Variants in RABGAP1L observed in about 807,000 individuals in gnomAD.
The protein encoded by RABGAP1L is RAB GTPase activating protein 1 like.
Under a neutral mutation model 137.7 loss-of-function variants are expected in RABGAP1L, and 63 were observed. That is an observed-to-expected ratio of 0.46 (90% CI 0.37 to 0.56). RABGAP1L has a LOEUF of 0.56. Ranked by LOEUF, RABGAP1L falls within the 20% of genes least tolerant of loss-of-function variation. RABGAP1L has a pLI of 0.00. For missense variants in RABGAP1L, 1,095 were observed against 1,244.0 expected, an observed-to-expected ratio of 0.88 and a Z score of 1.80; for synonymous variants, 431 against 433.7, an observed-to-expected ratio of 0.99 and a Z score of 0.08.
chr1:174,301,543 T>G (rs1347313581), intron 10 of RABGAP1L, among the ~76,000 whole-genome samples: 1 of 151,482 alleles, frequency 6.6e-6, no homozygotes, highest in Non-Finnish European at 1.5e-5. Context: ...TTTCAGTGGG[T>G]CCTGAGTTCT....
chr1:174,304,492 A>G (rs1678014674), intron 10 of RABGAP1L, among the ~76,000 whole-genome samples: 1 of 152,024 alleles, frequency 6.6e-6, no homozygotes, highest in African/African-American at 2.4e-5. Context: ...ATATTTTTAT[A>G]CATATAGCAA....
At chr1:174,590,502 C>A (rs916350434) in intron 13 of RABGAP1L, among the ~76,000 whole-genome samples, 9 of 87,284 alleles carry the variant, frequency 1.0e-4, no homozygotes, top group African/African-American at 4.9e-4. Context: ...CCTCCCCCCT[C>A]CCCCGACCCC....
At chr1:174,474,596 AT>A (rs1658293328) in intron 13 of RABGAP1L, among the ~76,000 whole-genome samples, 1 of 150,908 alleles carries the variant, frequency 6.6e-6, no homozygotes, top group Non-Finnish European at 1.5e-5. Flanking sequence ...GATGATGATG[AT>A]TATTATTATT....
intron 13 of RABGAP1L, among the ~76,000 whole-genome samples, chr1:174,625,046 A>AT (rs531470681): frequency 1.3e-5 from 2 of 151,382 alleles, no homozygotes; most frequent in African/African-American, 2.4e-5. Context: ...TAATTTTTGT[A>AT]TTTTTTTAGT....
chr1:174,722,452 C>G (rs1405722949), intron 17 of RABGAP1L, among the ~76,000 whole-genome samples: 1 of 151,266 alleles, frequency 6.6e-6, no homozygotes, highest in Non-Finnish European at 1.5e-5. Flanking sequence ...TTATCGCAAG[C>G]TTCTTTTTTT....
Position 174,819,733 on chromosome 1 carries a change from C to T in RABGAP1L, c.2340+7773C>T, listed in dbSNP as rs189978753. The stretch of plus-strand genomic sequence containing the variant: ...TTGACTGTACTTCAGAGAATGATGA[C>T]AGTTGATATCCAGGGACCAAACCAC... On this transcript the variant is annotated intron_variant, in intron 19 of 25. Coordinates refer to ENST00000681986, the MANE Select transcript of RABGAP1L (RefSeq NM_001366446.1). Among the ~76,000 whole-genome samples the T allele has an allele frequency of 1.7e-3, 264 of 152,162 alleles. 2 individuals are homozygous for T. Among genetic ancestry groups the T allele is most frequent in the African/African-American group, 4.9e-3 (203 of 41,508 alleles).
At chr1:174,919,019 CTTT>C (rs778211199) in intron 19 of RABGAP1L, among the ~76,000 whole-genome samples, 7 of 134,728 alleles carry the variant, frequency 5.2e-5, no homozygotes, top group Admixed American at 7.4e-5. Context: ...TGTCTTTTTT[CTTT>C]TTTTTTTTTT....
At chr1:174,882,828 A>AGTTCT (rs1654457936) in intron 19 of RABGAP1L, among the ~76,000 whole-genome samples, 1 of 151,404 alleles carries the variant, frequency 6.6e-6, no homozygotes, top group Non-Finnish European at 1.5e-5. Context: ...AGAACATAAG[A>AGTTCT]GCTTTTTTTT....
rs184626717 is a variant in RABGAP1L, at chr1:174,962,032, A to G, written c.2433+4483A>G. ...ATAAAAATATAAAAAAAAATTAGCC[A>G]GGCGTGGTGGTGGGCACCTGTAGTC... On this transcript the variant is annotated intron_variant, in intron 20 of 25. Transcript: ENST00000681986. 1.1e-3 allele frequency among the ~76,000 whole-genome samples: 166 copies of G among 149,066 alleles called. 1 individual carries two copies. The highest frequency in any genetic ancestry group is 4.0e-3 in the African/African-American group (160 of 40,396).
chr1:174,421,658 G>A (rs988909955), intron 13 of RABGAP1L, among the ~76,000 whole-genome samples: 4 of 152,132 alleles, frequency 2.6e-5, no homozygotes, highest in African/African-American at 4.8e-5. Flanking sequence ...TGTTTTCACT[G>A]GACTACTGAG....
chr1:174,181,955 C>T (rs1180425417), intron 1 of RABGAP1L, among the ~76,000 whole-genome samples: 1 of 152,090 alleles, frequency 6.6e-6, no homozygotes, highest in Non-Finnish European at 1.5e-5. Flanking sequence ...TTTAAAATAG[C>T]ATAAATGAGG....
At chr1:174,411,986 T>C (rs1649991923) in intron 13 of RABGAP1L, among the ~76,000 whole-genome samples, 1 of 152,098 alleles carries the variant, frequency 6.6e-6, no homozygotes, top group African/African-American at 2.4e-5. Flanking sequence ...CGTAGATGTT[T>C]ATTAAGTCCA....
chr1:174,219,212 A>T lies in RABGAP1L; in HGVS notation c.55A>T (p.Thr19Ser), dbSNP rs940430402. 6.2e-7 allele frequency: 1 copy of T among 1,604,242 alleles called. No individual in the cohort carries two copies. Among genetic ancestry groups the T allele is most frequent in the Non-Finnish European group, 8.5e-7 (1 of 1,173,588 alleles). The part of the protein sequence containing the change: ...KVSGSSDSVA[T>S]MNSEEFVLVP... The stretch of plus-strand genomic sequence containing the variant: ...TAGTGGATCATCTGATTCTGTGGCT[A>T]CAATGAACAGTGAAGAATTTGTTTT... Residue 19 changes from threonine (T) to serine (S), a missense_variant, in exon 2 of 26, where the codon ACA becomes TCA. Around this residue, in one of 4 missense-constraint regions of RABGAP1L, gnomAD observed 356 missense variants for 326.3 expected, o/e 1.09. Coordinates refer to ENST00000681986, the MANE Select transcript of RABGAP1L (RefSeq NM_001366446.1).
At chr1:174,740,691 C>T (rs927776569) in intron 17 of RABGAP1L, among the ~76,000 whole-genome samples, 1 of 152,000 alleles carries the variant, frequency 6.6e-6, no homozygotes, top group Non-Finnish European at 1.5e-5. Context: ...GTTTACATTC[C>T]CACCAACAGT....
chr1:174,793,668 A>T (rs1392049556), intron 18 of RABGAP1L, among the ~76,000 whole-genome samples: 3 of 152,092 alleles, frequency 2.0e-5, no homozygotes, highest in African/African-American at 4.8e-5. Flanking sequence ...CTATATCCAG[A>T]AGCATATAGT....
intron 13 of RABGAP1L, among the ~76,000 whole-genome samples, chr1:174,476,514 A>G (rs547932371): frequency 2.2e-4 from 34 of 152,222 alleles, no homozygotes; most frequent in Non-Finnish European, 5.0e-4. Flanking sequence ...TTCAGCCACT[A>G]TATGTAACTC....
intron 17 of RABGAP1L, among the ~76,000 whole-genome samples, chr1:174,744,327 T>A (rs142096765): frequency 8.9e-4 from 135 of 151,042 alleles, no homozygotes; most frequent in Non-Finnish European, 1.5e-3. Flanking sequence ...AACCTGTATT[T>A]AAGAGCAGCT....
intron 11 of RABGAP1L, among the ~76,000 whole-genome samples, chr1:174,355,091 G>A (rs983915916): frequency 2.0e-5 from 3 of 152,092 alleles, no homozygotes; most frequent in African/African-American, 7.2e-5. Context: ...AATACCATTT[G>A]ACCCAGCCAT....
intron 13 of RABGAP1L, among the ~76,000 whole-genome samples, chr1:174,585,210 C>A (rs1298724195): frequency 6.6e-6 from 1 of 152,014 alleles, no homozygotes; most frequent in East Asian, 1.9e-4. Flanking sequence ...ATTTGTCTTG[C>A]ATTTGTGGTT....
Sources: gnomAD v4.1 joint callset for allele counts (sites outside exome capture counted in the v4.1 genomes callset) on GRCh38, gnomAD v4.1.1 for gene constraint, gnomAD v4.1.1 regional missense constraint, MANE v1.5 for transcripts, NCBI Gene and HGNC (gene_info 2026-07-23, HGNC 2026-07-21) for gene names.